Variants in VHL observed in about 807,000 individuals in gnomAD.
VHL encodes von Hippel-Lindau disease tumor suppressor.
Under a neutral mutation model 19.2 loss-of-function variants are expected in VHL, and 10 were observed. The observed-to-expected ratio is 0.52, with a 90% CI of 0.32 to 0.89. The LOEUF is 0.89. Among genes scored for constraint, VHL ranks in the 40% least tolerant of loss-of-function variants. The probability of loss-of-function intolerance (pLI) is 0.03; values close to 1 mark genes in which losing one functional copy is unlikely to be tolerated. For synonymous variants in VHL, 167 were observed against 129.5 expected, an observed-to-expected ratio of 1.29 and a Z score of -1.97; for missense variants, 328 against 292.7, an observed-to-expected ratio of 1.12 and a Z score of -0.88.
Position 10,141,782 on chromosome 3 carries a change from CTCCGCCCCGCG to C in VHL, c.-61_-51del, listed in dbSNP as rs727503743. On this transcript the variant is annotated 5_prime_UTR_variant, in exon 1 of 3. Transcript: ENST00000256474. ...GGTCGACTCGGGAGCGCGCACGCAG[CTCCGCCCCGCG>C]TCCGACCCGCGGATCCCGCGGCGTC... 6.6e-7 allele frequency: 1 copy of C among 1,518,232 alleles called. No homozygotes were observed. The highest frequency in any genetic ancestry group is 1.2e-5 in the South Asian group (1 of 82,860). The allele number at this position is 1,518,232 out of a possible 1,614,324, so 94.0% of individuals were successfully genotyped here.
intron 2 of VHL, 32 bp downstream of exon 2, chr3:10,146,668 G>T (rs2125128596): frequency 6.2e-7 from 1 of 1,610,854 alleles, no homozygotes; most frequent in African/African-American, 1.3e-5. Flanking sequence ...AAAAGATAAG[G>T]TTGTTGTGGT....
At chr3:10,149,704 G>A (rs981266766) in intron 2 of VHL, 83 bp from the exon 3 acceptor site, 6 of 1,172,154 alleles carry the variant, frequency 5.1e-6, no homozygotes, top group African/African-American at 1.5e-5. Flanking sequence ...CAGTAGTACA[G>A]GTAGTTGTTG....
At chr3:10,145,841 G>A (rs1159431304) in intron 1 of VHL, among the ~76,000 whole-genome samples, 2 of 152,086 alleles carry the variant, frequency 1.3e-5, no homozygotes, top group African/African-American at 4.8e-5. Flanking sequence ...ACTGATTTGA[G>A]AAGTCAGTGG....
rs71307724 is a variant in VHL at position 10,148,315 on chromosome 3, C to CTTT, written c.464-1457_464-1455dup. The stretch of plus-strand genomic sequence containing the variant: ...ACCCAATTCAGTTGTACTAGATTTT[C>CTTT]TTTTTTTTTTTTTTTTTGAGACGGA... On this transcript the variant is annotated intron_variant, in intron 2 of 2. Coordinates refer to ENST00000256474, the MANE Select transcript of VHL (RefSeq NM_000551.4). Among the ~76,000 whole-genome samples the CTTT allele has an allele frequency of 2.7e-3, 344 of 125,486 alleles. 7 individuals are homozygous for CTTT. Among genetic ancestry groups the CTTT allele is most frequent in the African/African-American group, 9.7e-3 (311 of 32,138 alleles). The allele number at this position is 125,486 out of a possible 152,430, so 82.3% of individuals were successfully genotyped here. A position where few individuals can be genotyped will look rare whatever the true frequency, so the allele number is the denominator to read the frequency against.
chr3:10,145,698 T>C (rs1011137882), intron 1 of VHL, among the ~76,000 whole-genome samples: 1 of 116,086 alleles, frequency 8.6e-6, no homozygotes, highest in African/African-American at 3.3e-5. Context: ...AGAGCAAGAC[T>C]GCATCTCAAA....
intron 1 of VHL, among the ~76,000 whole-genome samples, 191 bp from the exon 2 acceptor site, chr3:10,146,323 G>A (rs1386629332): frequency 5.0e-5 from 3 of 59,906 alleles, no homozygotes; most frequent in Non-Finnish European, 1.7e-4. Context: ...ACAGGCGCTC[G>A]CCACCACACC....
rs271990 is a variant in VHL at position 10,148,475 on chromosome 3, C to T, written c.464-1312C>T. ...GACTACAGGCGCCCGCCACTACGCC[C>T]GGCTAATTTTTTGTATTTTTAGTAG... On this transcript the variant is annotated intron_variant, in intron 2 of 2. Transcript: ENST00000256474. Among the ~76,000 whole-genome samples the T allele has an allele frequency of 2.9e-4, 44 of 150,086 alleles. 1 individual carries two copies. The East Asian group carries it at 4.4e-3, about 15-fold the overall frequency.
intron 1 of VHL, among the ~76,000 whole-genome samples, chr3:10,145,209 A>G (rs949793659): frequency 1.3e-5 from 2 of 152,020 alleles, no homozygotes; most frequent in Non-Finnish European, 1.5e-5. Flanking sequence ...AATAAATAAA[A>G]TGGTAACTTT....
At position 10,141,907 on chromosome 3, in the gene VHL, C is replaced by T. The variant is rs1553619311; in HGVS notation, c.60C>T (p.Val20=). 6.5e-7 allele frequency: 1 copy of T among 1,533,178 alleles called. No homozygotes were observed. 95.0% of individuals were successfully genotyped at this position (1,533,178 alleles called of 1,614,324 possible). ...EAEVGAEEAG[V]EEYGPEEDGG... is the part of the protein sequence containing the mutation. ...AGGTAGGCGCGGAGGAGGCAGGCGT[C>T]GAAGAGTACGGCCCTGAAGAAGACG... The change falls in exon 1 of 3, where the codon GTC becomes GTT. Residue 20 remains valine, a synonymous_variant. Coordinates refer to ENST00000256474, the MANE Select transcript of VHL (RefSeq NM_000551.4).
rs549995743 is a variant in VHL at position 10,144,121 on chromosome 3, T to G, written c.340+1934T>G. ...TAGGCTCCTATTTTATATAGGAAAT[T>G]GTATGAATTTTGTATTTTACTCCAA... On this transcript the variant is annotated intron_variant, in intron 1 of 2. Coordinates refer to ENST00000256474, the MANE Select transcript of VHL (RefSeq NM_000551.4). 3.3e-5 allele frequency among the ~76,000 whole-genome samples: 5 copies of G among 152,174 alleles called. No individual in the cohort carries two copies. In the South Asian group the frequency reaches 1.0e-3, roughly 32 times the overall value.
In VHL at chr3:10,152,441, A is replaced by T. The variant is rs1351051674; in HGVS notation, c.*2476A>T. On this transcript the variant is annotated 3_prime_UTR_variant, in exon 3 of 3. Coordinates refer to ENST00000256474, the MANE Select transcript of VHL (RefSeq NM_000551.4). The stretch of plus-strand genomic sequence containing the variant: ...CAGTTTTCCTTCTACTCCGAATTTC[A>T]ACTGATTTTAGCTCCTCCTTTCAAC... Among the ~76,000 whole-genome samples the T allele has an allele frequency of 5.3e-5, 8 of 149,968 alleles. No homozygotes were observed. Among genetic ancestry groups the T allele is most frequent in the Non-Finnish European group, 1.0e-4 (7 of 67,686 alleles).
In VHL at chr3:10,151,354, G is replaced by A. The variant is rs1696405334; in HGVS notation, c.*1389G>A. The stretch of plus-strand genomic sequence containing the variant: ...AAATTCAATGCTTCTATCAGACTCA[G>A]TTTTTTGTAACTAATAGATTTTTTT... On this transcript the variant is annotated 3_prime_UTR_variant, in exon 3 of 3. Transcript: ENST00000256474. 4 of 215,700 alleles carry A rather than the reference G, an allele frequency of 1.9e-5. No homozygotes were observed. In the South Asian group the frequency reaches 5.6e-4, roughly 30 times the overall value. 13.4% of individuals were successfully genotyped at this position (215,700 alleles called of 1,614,324 possible). A position where few individuals can be genotyped will look rare whatever the true frequency, so the allele number is the denominator to read the frequency against.
At position 10,141,980 on chromosome 3, in the gene VHL, C is replaced by A. The variant is rs1575921452; in HGVS notation, c.133C>A (p.Pro45Thr). The A allele has an allele frequency of 6.4e-7, 1 of 1,565,548 alleles. No individual in the cohort carries two copies. Among genetic ancestry groups the A allele is most frequent in the Non-Finnish European group, 8.6e-7 (1 of 1,156,692 alleles). The part of the protein sequence containing the change: ...AEESGPEESG[P>T]EELGAEEEME... ...GGAGTCCGGCCCGGAAGAGTCCGGC[C>A]CGGAGGAACTGGGCGCCGAGGAGGA... Residue 45 changes from proline to threonine, a missense_variant, in exon 1 of 3, where the codon CCG becomes ACG. Coordinates refer to ENST00000256474, the MANE Select transcript of VHL (RefSeq NM_000551.4).
chr3:10,150,407 C>G lies in VHL; in HGVS notation c.*442C>G. ...CCTGCTTTGGGAAGACTGAGGCATC[C>G]GTGAGGCAGGGACAAGTCTTTCTCC... is the stretch of plus-strand genomic sequence containing the variant. On this transcript the variant is annotated 3_prime_UTR_variant, in exon 3 of 3. Coordinates refer to ENST00000256474, the MANE Select transcript of VHL (RefSeq NM_000551.4). 2.6e-6 allele frequency: 3 copies of G among 1,172,656 alleles called. No individual in the cohort carries two copies. In the South Asian group the frequency reaches 6.4e-5, roughly 25 times the overall value. The allele number at this position is 1,172,656 out of a possible 1,614,324, so 72.6% of individuals were successfully genotyped here.
At position 10,141,789 on chromosome 3, in the gene VHL, C is replaced by T. The variant is rs2125124229; in HGVS notation, c.-59C>T. 1.3e-6 allele frequency: 2 copies of T among 1,530,424 alleles called. No homozygotes were observed. Among genetic ancestry groups the T allele is most frequent in the Non-Finnish European group, 1.8e-6 (2 of 1,135,528 alleles). 94.8% of individuals were successfully genotyped at this position (1,530,424 alleles called of 1,614,324 possible). On this transcript the variant is annotated 5_prime_UTR_variant, in exon 1 of 3. Coordinates refer to ENST00000256474, the MANE Select transcript of VHL (RefSeq NM_000551.4). Reference sequence around the variant, plus strand: ...TCGGGAGCGCGCACGCAGCTCCGCCCCGCGTCCGACCCGCGGATCCCGCGG... The same window carrying T: ...TCGGGAGCGCGCACGCAGCTCCGCCTCGCGTCCGACCCGCGGATCCCGCGG...
chr3:10,151,272 T>G lies in VHL; in HGVS notation c.*1307T>G, dbSNP rs1696403514. 4.8e-6 allele frequency: 1 copy of G among 208,226 alleles called. No homozygotes were observed. The highest frequency in any genetic ancestry group is 9.8e-6 in the Non-Finnish European group (1 of 102,306). 12.9% of individuals were successfully genotyped at this position (208,226 alleles called of 1,614,324 possible). ...TGGATTCATGGAGTAGCCTGGACTGTTTCATAGTTTTCTAAATGTACAAAT... is the reference window on the plus strand; with the variant it reads ...TGGATTCATGGAGTAGCCTGGACTGGTTCATAGTTTTCTAAATGTACAAAT... On this transcript the variant is annotated 3_prime_UTR_variant, in exon 3 of 3. Transcript: ENST00000256474.
Position 10,142,153 on chromosome 3 carries a change from G to T in VHL, c.306G>T (p.Pro102=), listed in dbSNP as rs550155859. The T allele has an allele frequency of 2.5e-6, 4 of 1,598,884 alleles. No homozygotes were observed. The highest frequency in any genetic ancestry group is 3.4e-6 in the Non-Finnish European group (4 of 1,179,492). ...AGCCGCAGCCCTACCCAACGCTGCC[G>T]CCTGGCACGGGCCGCCGCATCCACA... ...DGEPQPYPTL[P]PGTGRRIHSY... The change falls in exon 1 of 3, where the codon CCG becomes CCT. Residue 102 remains proline, a synonymous_variant. Transcript: ENST00000256474.
rs527601820 is a variant in VHL, at chr3:10,153,582, G to A, written c.*3617G>A. Among the ~76,000 whole-genome samples, 62 of 148,426 alleles carry A rather than the reference G, an allele frequency of 4.2e-4. No homozygotes were observed. Among genetic ancestry groups the A allele is most frequent in the African/African-American group, 1.3e-3 (54 of 40,164 alleles). On this transcript the variant is annotated 3_prime_UTR_variant, in exon 3 of 3. Coordinates refer to ENST00000256474, the MANE Select transcript of VHL (RefSeq NM_000551.4). ...ATTAAATATATCGCTCTTAAGAGACGGTGAAGTTCCTATTTCAAGTTTTTT... is the reference window on the plus strand; with the variant it reads ...ATTAAATATATCGCTCTTAAGAGACAGTGAAGTTCCTATTTCAAGTTTTTT...
At chr3:10,143,528 A>G (rs975472767) in intron 1 of VHL, among the ~76,000 whole-genome samples, 4 of 152,054 alleles carry the variant, frequency 2.6e-5, no homozygotes, top group African/African-American at 4.8e-5. Flanking sequence ...GCTCACTGCA[A>G]TCTCCGACTC....
Sources: allele counts gnomAD v4.1 joint callset (sites outside exome capture counted in the v4.1 genomes callset), GRCh38; gene constraint gnomAD v4.1.1; transcripts MANE v1.5; gene names NCBI Gene and HGNC (gene_info 2026-07-23, HGNC 2026-07-21).